The following CCDC85C variants were observed in gnomAD, a reference collection of about 807,000 sequenced individuals.
CCDC85C encodes the protein coiled-coil domain containing 85C.
Under a neutral mutation model 38.3 loss-of-function variants are expected in CCDC85C, and 18 were observed. That is an observed-to-expected ratio of 0.47 (90% confidence interval 0.33 to 0.70). CCDC85C has a LOEUF of 0.70. Ranked by LOEUF, CCDC85C falls within the 30% of genes least tolerant of loss-of-function variation. The pLI is 0.03. For missense variants in CCDC85C, 566 were observed against 621.2 expected (o/e 0.91, Z 0.94); for synonymous variants, 264 against 293.8 (o/e 0.90, Z 1.04).
At chr14:99,600,916 T>C (rs2055191743) in intron 1 of CCDC85C, among the ~76,000 whole-genome samples, 1 of 152,140 alleles carries the variant, frequency 6.6e-6, no homozygotes, top group Non-Finnish European at 1.5e-5. Flanking sequence ...TCACAGCTAC[T>C]TGGGAGGCTG....
chr14:99,568,034 G>A (rs1326322994), intron 1 of CCDC85C, among the ~76,000 whole-genome samples: 1 of 152,128 alleles, frequency 6.6e-6, no homozygotes, highest in African/African-American at 2.4e-5. Flanking sequence ...AGGAACTGAA[G>A]CAGGTCTAGA....
chr14:99,603,925 G>T lies in CCDC85C; in HGVS notation c.35C>A (p.Ser12Ter). ...AKPAATAAAA[S>*]EELSQVPDEE... ...GTCCGGCACCTGGCTCAGCTCCTCC[G>T]ACGCCGCCGCCGCCGTCGCCGCGGG... is the stretch of plus-strand genomic sequence containing the variant. Residue 12 changes from serine (S) to a stop codon, truncating the protein, a stop_gained, in exon 1 of 6, where the codon TCG becomes TAG. Coordinates refer to ENST00000380243, the MANE Select transcript of CCDC85C (RefSeq NM_001144995.2). LOFTEE classifies it high-confidence loss of function. This position sits in a 1 kb window ranked among gnomAD's most constrained non-coding sequence, Gnocchi z 7.5. The T allele has an allele frequency of 7.0e-7, 1 of 1,426,816 alleles. No individual in the cohort carries two copies. The highest frequency in any genetic ancestry group is 1.4e-5 in the South Asian group (1 of 69,274). 88.4% of individuals were successfully genotyped at this position (1,426,816 alleles called of 1,614,324 possible).
Position 99,588,952 on chromosome 14 carries a change from G to T in CCDC85C, c.793+14215C>A, listed in dbSNP as rs2139984612. On this transcript the variant is annotated intron_variant, in intron 1 of 5. Transcript: ENST00000380243. This position sits in a 1 kb window ranked among gnomAD's most constrained non-coding sequence, Gnocchi z 5.0. The stretch of plus-strand genomic sequence containing the variant: ...CTCATATGTGGGTAAACTGAGGCCT[G>T]GGGAGACTGGTCAGAGACTGAGGCA... 6.6e-6 allele frequency among the ~76,000 whole-genome samples: 1 copy of T among 152,232 alleles called. No homozygotes were observed. The highest frequency in any genetic ancestry group is 2.4e-5 in the African/African-American group (1 of 41,534).
chr14:99,593,471 T>G (rs2055109935), intron 1 of CCDC85C, among the ~76,000 whole-genome samples: 1 of 152,272 alleles, frequency 6.6e-6, no homozygotes, highest in Middle Eastern at 3.4e-3. Flanking sequence ...GCCACCTCCA[T>G]GGGGATGCCT....
intron 2 of CCDC85C, among the ~76,000 whole-genome samples, chr14:99,528,961 T>C (rs1897442432): frequency 6.6e-6 from 1 of 151,762 alleles, no homozygotes; most frequent in African/African-American, 2.4e-5. Flanking sequence ...GTAACAAACC[T>C]GCATGTCCTG....
At chr14:99,577,919 T>TGA (rs2139971569) in intron 1 of CCDC85C, among the ~76,000 whole-genome samples, 1 of 99,500 alleles carries the variant, frequency 1.0e-5, no homozygotes, top group African/African-American at 5.5e-5. Flanking sequence ...CCCCCATCAG[T>TGA]GTGTGTGTGT....
rs1355693932 is a variant in CCDC85C, at chr14:99,569,358, T to G, written c.794-33270A>C. Among the ~76,000 whole-genome samples, 2 of 152,064 alleles carry G rather than the reference T, an allele frequency of 1.3e-5. No homozygotes were observed. The highest frequency in any genetic ancestry group is 2.9e-5 in the Non-Finnish European group (2 of 68,000). ...AACAGGCTGCTGGGCCAGTGGGGTGTGTGCTCGGCTCCACCAGACAGTATT... is the reference window on the plus strand; with the variant it reads ...AACAGGCTGCTGGGCCAGTGGGGTGGGTGCTCGGCTCCACCAGACAGTATT... On this transcript the variant is annotated intron_variant, in intron 1 of 5. Coordinates refer to ENST00000380243, the MANE Select transcript of CCDC85C (RefSeq NM_001144995.2). The surrounding 1 kb of genome is among the most constrained non-coding windows in gnomAD (Gnocchi z 4.3).
Position 99,500,584 on chromosome 14 carries a change from T to C in CCDC85C, c.*14662A>G, listed in dbSNP as rs944918158. On this transcript the variant is annotated 3_prime_UTR_variant, in exon 6 of 6. Coordinates refer to ENST00000380243, the MANE Select transcript of CCDC85C (RefSeq NM_001144995.2). Reference sequence around the variant, plus strand: ...CTGCTTTGTCTTCCTGTTTGAGATCTTTTCAGAATTTATCAGTGTCTCTGA... The same window carrying C: ...CTGCTTTGTCTTCCTGTTTGAGATCCTTTCAGAATTTATCAGTGTCTCTGA... 1 of 566,522 alleles carries C rather than the reference T, an allele frequency of 1.8e-6. No individual in the cohort carries two copies. The highest frequency in any genetic ancestry group is 2.0e-5 in the African/African-American group (1 of 50,978). 35.1% of individuals were successfully genotyped at this position (566,522 alleles called of 1,614,324 possible). A position where few individuals can be genotyped will look rare whatever the true frequency, so the allele number is the denominator to read the frequency against.
intron 1 of CCDC85C, among the ~76,000 whole-genome samples, chr14:99,589,642 C>T (rs968095523): frequency 6.6e-6 from 1 of 152,144 alleles, no homozygotes; most frequent in African/African-American, 2.4e-5. Context: ...TTCAGGGGTC[C>T]CAGTTAAGGA....
chr14:99,528,921 A>G (rs1301506103), intron 2 of CCDC85C, among the ~76,000 whole-genome samples: 1 of 152,232 alleles, frequency 6.6e-6, no homozygotes, highest in East Asian at 1.9e-4. Flanking sequence ...TGATCTGTGC[A>G]GCAAACTACC....
At chr14:99,574,489 C>T (rs1016468574) in intron 1 of CCDC85C, among the ~76,000 whole-genome samples, 3 of 152,112 alleles carry the variant, frequency 2.0e-5, no homozygotes, top group African/African-American at 7.2e-5. Context: ...CCTCACAGGC[C>T]GAGGCACAGG....
intron 3 of CCDC85C, among the ~76,000 whole-genome samples, chr14:99,521,534 A>G (rs1319707975): frequency 1.3e-5 from 2 of 152,190 alleles, no homozygotes; most frequent in Non-Finnish European, 2.9e-5. Flanking sequence ...CTTCCCAAGC[A>G]TCCGCTACAC....
At chr14:99,527,618 G>A (rs563811166) in intron 2 of CCDC85C, among the ~76,000 whole-genome samples, 1 of 152,292 alleles carries the variant, frequency 6.6e-6, no homozygotes, top group African/African-American at 2.4e-5. Flanking sequence ...TCTGGCTGCA[G>A]CCCAGGGTGC....
intron 1 of CCDC85C, among the ~76,000 whole-genome samples, chr14:99,570,436 C>T (rs4536391): frequency 0.57 from 86,731 of 152,038 alleles, 24,822 homozygotes; most frequent in African/African-American, 0.62. Context: ...CTGACCCTTC[C>T]ACACAGATGA....
intron 2 of CCDC85C, among the ~76,000 whole-genome samples, chr14:99,526,736 T>TA (rs1378520480): frequency 9.9e-5 from 15 of 151,988 alleles, no homozygotes; most frequent in African/African-American, 3.6e-4. Flanking sequence ...TGCCGAGTAA[T>TA]AAACGCAGGG....
At position 99,520,949 on chromosome 14, in the gene CCDC85C, C is replaced by T. The variant is rs1897295682; in HGVS notation, c.975+1184G>A. ...TTATCCGCACTCTCAGGCCTTGAGG[C>T]TCGGCCCATGCCTGAGGTGTGCTCT... On this transcript the variant is annotated intron_variant, in intron 3 of 5. Transcript: ENST00000380243. The surrounding 1 kb of genome is among the most constrained non-coding windows in gnomAD (Gnocchi z 4.1). Among the ~76,000 whole-genome samples, 1 of 152,270 alleles carries T rather than the reference C, an allele frequency of 6.6e-6. No individual in the cohort carries two copies. The highest frequency in any genetic ancestry group is 6.5e-5 in the Admixed American group (1 of 15,294).
intron 1 of CCDC85C, among the ~76,000 whole-genome samples, chr14:99,577,207 C>A (rs1461884773): frequency 6.6e-6 from 1 of 151,934 alleles, no homozygotes; most frequent in Non-Finnish European, 1.5e-5. Flanking sequence ...GCTTAATAAA[C>A]ACACACTGAA....
chr14:99,506,930 T>C lies in CCDC85C; in HGVS notation c.*8316A>G. 1.5e-6 allele frequency: 1 copy of C among 681,832 alleles called. No homozygotes were observed. The highest frequency in any genetic ancestry group is 2.7e-6 in the Non-Finnish European group (1 of 372,480). 42.2% of individuals were successfully genotyped at this position (681,832 alleles called of 1,614,324 possible). On this transcript the variant is annotated 3_prime_UTR_variant, in exon 6 of 6. Coordinates refer to ENST00000380243, the MANE Select transcript of CCDC85C (RefSeq NM_001144995.2). Reference sequence around the variant, plus strand: ...CAGGATTCATGCATAATGGTTTAGCTGAAACCTTCTTCAAGTTCCCTTAAA... The same window carrying C: ...CAGGATTCATGCATAATGGTTTAGCCGAAACCTTCTTCAAGTTCCCTTAAA...
At position 99,516,998 on chromosome 14, in the gene CCDC85C, C is replaced by T. The variant is rs901497691; in HGVS notation, c.1071+90G>A. On this transcript the variant is annotated intron_variant, in intron 4 of 5. Coordinates refer to ENST00000380243, the MANE Select transcript of CCDC85C (RefSeq NM_001144995.2). This position sits in a 1 kb window ranked among gnomAD's most constrained non-coding sequence, Gnocchi z 5.5. ...CACAGATGAAACCTCCCACCCCTGCCACTTGGATACCCCTAGGTGCAAAGG... is the reference window on the plus strand; with the variant it reads ...CACAGATGAAACCTCCCACCCCTGCTACTTGGATACCCCTAGGTGCAAAGG... 8.1e-7 allele frequency: 1 copy of T among 1,228,172 alleles called. No individual in the cohort carries two copies. The highest frequency in any genetic ancestry group is 1.5e-5 in the African/African-American group (1 of 66,564). 76.1% of individuals were successfully genotyped at this position (1,228,172 alleles called of 1,614,324 possible).
Sources: gnomAD v4.1 joint callset for allele counts (sites outside exome capture counted in the v4.1 genomes callset) on GRCh38, gnomAD v4.1.1 for gene constraint, Gnocchi (gnomAD v3.1) non-coding constraint, MANE v1.5 for transcripts, NCBI Gene and HGNC (gene_info 2026-07-23, HGNC 2026-07-21) for gene names.